The following PDE4D variants were observed in gnomAD, a reference collection of about 807,000 sequenced individuals.
The protein encoded by PDE4D is phosphodiesterase 4D, also known as 3',5'-cyclic-AMP phosphodiesterase 4D.
PDE4D carries 24 observed loss-of-function variants against 87.4 expected under a neutral mutation model. The observed-to-expected ratio is 0.27, with a 90% CI of 0.20 to 0.39. PDE4D has a LOEUF of 0.39. Among genes scored for constraint, PDE4D ranks in the 10% least tolerant of loss-of-function variants. The pLI, the probability that PDE4D is intolerant of heterozygous loss-of-function variation, is 1.00. For missense variants in PDE4D, 714 were observed against 1,041.0 expected (o/e 0.69, Z 4.32); for synonymous variants, 384 against 383.2 (o/e 1.00, Z -0.02).
chr5:59,489,191 G>A (rs1016309143), intron 1 of PDE4D, among the ~76,000 whole-genome samples: 1 of 151,538 alleles, frequency 6.6e-6, no homozygotes, highest in African/African-American at 2.4e-5. Context: ...CTTGAACCCT[G>A]GAGGCAGAGG....
At chr5:59,877,881 G>T (rs1372660434) in intron 1 of PDE4D, among the ~76,000 whole-genome samples, 2 of 152,018 alleles carry the variant, frequency 1.3e-5, no homozygotes, top group Non-Finnish European at 2.9e-5. Context: ...GCAAAAAAAG[G>T]ATAATTTTGC....
chr5:59,725,165 G>A (rs1756418769), intron 1 of PDE4D, among the ~76,000 whole-genome samples: 1 of 151,946 alleles, frequency 6.6e-6, no homozygotes, highest in Admixed American at 6.6e-5. Flanking sequence ...TTGCCCGGGG[G>A]GGATAAATAC....
At chr5:59,020,836 C>T (rs1356024331) in intron 6 of PDE4D, among the ~76,000 whole-genome samples, 1 of 152,244 alleles carries the variant, frequency 6.6e-6, no homozygotes, top group Non-Finnish European at 1.5e-5. Context: ...CCTTCTCTTA[C>T]CGGCTGTGGC....
chr5:59,627,227 G>T (rs1397148114), intron 1 of PDE4D, among the ~76,000 whole-genome samples: 1 of 152,176 alleles, frequency 6.6e-6, no homozygotes, highest in African/African-American at 2.4e-5. Flanking sequence ...TAACTGGATG[G>T]TGATAAGTTT....
chr5:60,327,183 C>T (rs1756877027), intron 1 of PDE4D, among the ~76,000 whole-genome samples: 1 of 152,098 alleles, frequency 6.6e-6, no homozygotes, highest in Admixed American at 6.5e-5. Context: ...CACAGGAGCC[C>T]TCATAAGGAA....
chr5:59,694,190 C>T (rs1255111657), intron 1 of PDE4D, among the ~76,000 whole-genome samples: 1 of 152,096 alleles, frequency 6.6e-6, no homozygotes, highest in African/African-American at 2.4e-5. Flanking sequence ...CAAAACAAAA[C>T]TTTATTATTT....
chr5:59,820,305 C>G (rs1483231347), intron 1 of PDE4D, among the ~76,000 whole-genome samples: 4 of 152,222 alleles, frequency 2.6e-5, no homozygotes, highest in African/African-American at 9.6e-5. Context: ...CTGCTAAGGG[C>G]TACTCTGCAA....
At chr5:59,948,019 G>A (rs1757897249) in intron 3 of PDE4D, among the ~76,000 whole-genome samples, 1 of 152,100 alleles carries the variant, frequency 6.6e-6, no homozygotes. Context: ...AAAAAGAGTA[G>A]CTCCAAAGGC....
At chr5:60,269,912 A>T (rs1203525092) in intron 1 of PDE4D, among the ~76,000 whole-genome samples, 1 of 152,210 alleles carries the variant, frequency 6.6e-6, no homozygotes, top group Non-Finnish European at 1.5e-5. Context: ...AGTACAGGAG[A>T]TGAATTGAAA....
At chr5:59,462,824 A>G (rs1800974739) in intron 1 of PDE4D, among the ~76,000 whole-genome samples, 1 of 152,144 alleles carries the variant, frequency 6.6e-6, no homozygotes, top group African/African-American at 2.4e-5. Flanking sequence ...TGACAGTAGT[A>G]TGTCATAACA....
At chr5:60,046,816 G>A (rs1769321124) in intron 2 of PDE4D, among the ~76,000 whole-genome samples, 1 of 152,128 alleles carries the variant, frequency 6.6e-6, no homozygotes, top group African/African-American at 2.4e-5. Flanking sequence ...AAGGATATTG[G>A]TCTAAAATTC....
intron 1 of PDE4D, among the ~76,000 whole-genome samples, chr5:59,402,854 A>G (rs1437175851): frequency 6.6e-6 from 1 of 151,848 alleles, no homozygotes; most frequent in African/African-American, 2.4e-5. Flanking sequence ...TCACCATTTC[A>G]CCTCTCTACT....
At chr5:59,794,864 A>T (rs7715626) in intron 1 of PDE4D, among the ~76,000 whole-genome samples, 2,744 of 152,230 alleles carry the variant, frequency 0.018, 77 homozygotes, top group African/African-American at 0.063. Context: ...GAGCTTGTAG[A>T]TAGGCCCAGA....
rs1005132572 is a variant in PDE4D at position 59,730,758 on chromosome 5, T to G, written c.455+162410A>C. Reference sequence around the variant, plus strand: ...TTGCAGATCAATTATTGTAGTCATGTGCCATATAGACTTTGTGTGACTAAC... The same window carrying G: ...TTGCAGATCAATTATTGTAGTCATGGGCCATATAGACTTTGTGTGACTAAC... On this transcript the variant is annotated intron_variant, in intron 1 of 14. Coordinates refer to ENST00000340635, the MANE Select transcript of PDE4D (RefSeq NM_001104631.2). Among the ~76,000 whole-genome samples the G allele has an allele frequency of 2.6e-5, 4 of 152,294 alleles. No homozygotes were observed. In the South Asian group the frequency reaches 6.2e-4, roughly 24 times the overall value.
chr5:60,325,419 AAGAATTTC>A (rs777598284), intron 1 of PDE4D, among the ~76,000 whole-genome samples: 24 of 152,198 alleles, frequency 1.6e-4, no homozygotes, highest in Non-Finnish European at 2.5e-4. Flanking sequence ...AGTCTGCATG[AAGAATTTC>A]AGAAACTTTG....
chr5:59,153,868 T>G (rs1234897434), intron 5 of PDE4D, among the ~76,000 whole-genome samples: 1 of 152,054 alleles, frequency 6.6e-6, no homozygotes. Flanking sequence ...TGACTCGGCC[T>G]GAGGAAGGGG....
At chr5:59,720,331 A>G (rs1755652427) in intron 1 of PDE4D, among the ~76,000 whole-genome samples, 2 of 152,044 alleles carry the variant, frequency 1.3e-5, no homozygotes, top group African/African-American at 4.8e-5. Context: ...TTATGTAGAG[A>G]GAGGGTCTTG....
chr5:59,593,629 C>T (rs1370519768), intron 1 of PDE4D, among the ~76,000 whole-genome samples: 2 of 152,198 alleles, frequency 1.3e-5, no homozygotes, highest in Middle Eastern at 3.2e-3. Flanking sequence ...GGTCACAGGG[C>T]AAACTGCTGC....
At chr5:60,050,127 C>T (rs1468706243) in intron 2 of PDE4D, among the ~76,000 whole-genome samples, 3 of 152,158 alleles carry the variant, frequency 2.0e-5, no homozygotes, top group South Asian at 4.1e-4. Flanking sequence ...ACCCAATTTT[C>T]CCGGTGCTGT....
Sources: allele counts gnomAD v4.1 joint callset (sites outside exome capture counted in the v4.1 genomes callset), GRCh38; gene constraint gnomAD v4.1.1; transcripts MANE v1.5; gene names NCBI Gene and HGNC (gene_info 2026-07-23, HGNC 2026-07-21).